The following AGXT2 variants were observed in gnomAD, a reference collection of about 807,000 sequenced individuals.
The protein encoded by AGXT2 is alanine--glyoxylate aminotransferase 2.
A neutral mutation model predicts 62.5 loss-of-function variants in AGXT2; 61 were observed. That is an observed-to-expected ratio of 0.98 (90% CI 0.79 to 1.21). The LOEUF (loss-of-function observed/expected upper bound fraction) is 1.21. AGXT2 is among the 50% of genes most tolerant of loss of function. AGXT2 has a pLI of 0.00. For synonymous variants in AGXT2, 243 were observed against 218.7 expected, an observed-to-expected ratio of 1.11 and a Z score of -0.98; for missense variants, 666 against 641.5, an observed-to-expected ratio of 1.04 and a Z score of -0.41.
chr5:35,005,193 G>A (rs1419197885), intron 12 of AGXT2, among the ~76,000 whole-genome samples: 1 of 152,108 alleles, frequency 6.6e-6, no homozygotes, highest in Non-Finnish European at 1.5e-5. Context: ...CCGGAGGGAA[G>A]GTTGGGTTGG....
At chr5:35,032,206 C>T (rs1307608045) in intron 7 of AGXT2, among the ~76,000 whole-genome samples, 2 of 152,020 alleles carry the variant, frequency 1.3e-5, no homozygotes, top group African/African-American at 4.8e-5. Context: ...CCCGCCTCAA[C>T]CTCCCAAAGT....
chr5:35,001,260 A>C (rs1172841887), intron 13 of AGXT2, among the ~76,000 whole-genome samples: 1 of 152,018 alleles, frequency 6.6e-6, no homozygotes, highest in African/African-American at 2.4e-5. Context: ...ATTCTTGCCC[A>C]CTCCAAACCA....
intron 1 of AGXT2, among the ~76,000 whole-genome samples, chr5:35,044,639 CT>C (rs1276094739): frequency 6.6e-6 from 1 of 152,234 alleles, no homozygotes; most frequent in African/African-American, 2.4e-5. Flanking sequence ...ATTATTTCAG[CT>C]GCCCTCCCTC....
intron 12 of AGXT2, among the ~76,000 whole-genome samples, chr5:35,007,842 T>A (rs543615776): frequency 4.6e-5 from 7 of 152,198 alleles, no homozygotes; most frequent in Non-Finnish European, 1.0e-4. Flanking sequence ...GGCAGATCCC[T>A]CATGAATGTC....
At chr5:35,011,809 G>A (rs1251725074) in intron 11 of AGXT2, among the ~76,000 whole-genome samples, 9 of 151,776 alleles carry the variant, frequency 5.9e-5, no homozygotes, top group Non-Finnish European at 1.0e-4. Context: ...ATATCAAAAA[G>A]ACACCTGCAC....
At chr5:35,019,993 A>C (rs368422260) in intron 9 of AGXT2, among the ~76,000 whole-genome samples, 1 of 152,218 alleles carries the variant, frequency 6.6e-6, no homozygotes, top group Admixed American at 6.5e-5. Context: ...TAAATTCCTC[A>C]ACACATACAC....
Position 35,016,561 on chromosome 5 carries a change from C to T in AGXT2, c.964-2442G>A, listed in dbSNP as rs1275708054. ...TCACCAGTCACCTTTTGACCTCAAC[C>T]CCCTCCCTCTTCCCCTTTCCCTTAA... On this transcript the variant is annotated intron_variant, in intron 9 of 13. Transcript: ENST00000231420. 2.0e-5 allele frequency among the ~76,000 whole-genome samples: 3 copies of T among 152,056 alleles called. No homozygotes were observed. The East Asian group carries it at 5.8e-4, about 29-fold the overall frequency.
chr5:35,012,586 A>T, intron 11 of AGXT2: 1 of 315,684 alleles, frequency 3.2e-6, no homozygotes, highest in Non-Finnish European at 6.1e-6. Context: ...TAATAGTACA[A>T]CAAAAGGAAG....
intron 8 of AGXT2, 149 bp downstream of exon 8, chr5:35,026,261 T>A (rs1314083163): frequency 2.8e-6 from 2 of 725,200 alleles, no homozygotes; most frequent in Non-Finnish European, 4.8e-6. Flanking sequence ...AAAGTCAGCG[T>A]CTTCTTTTTT....
At chr5:35,017,966 G>C (rs1001779053) in intron 9 of AGXT2, among the ~76,000 whole-genome samples, 2 of 152,158 alleles carry the variant, frequency 1.3e-5, no homozygotes, top group African/African-American at 4.8e-5. Context: ...TGGAAGAAAG[G>C]GTATCAGCGA....
At chr5:35,004,446 G>A (rs1264163238) in intron 12 of AGXT2, among the ~76,000 whole-genome samples, 5 of 152,130 alleles carry the variant, frequency 3.3e-5, no homozygotes, top group Non-Finnish European at 4.4e-5. Flanking sequence ...TCCAGGAGCC[G>A]AGAGCCTGTG....
chr5:35,025,260 C>T (rs1767287170), intron 9 of AGXT2, among the ~76,000 whole-genome samples: 3 of 152,236 alleles, frequency 2.0e-5, no homozygotes, highest in Admixed American at 2.0e-4. Context: ...CCTGTGGTCC[C>T]AGCTACTCGG....
chr5:35,002,221 CA>C (rs5867262), intron 13 of AGXT2, among the ~76,000 whole-genome samples: 93,952 of 151,368 alleles, frequency 0.62, 30,777 homozygotes, highest in Non-Finnish European at 0.74. Flanking sequence ...AAAAAAATCA[CA>C]GAGCACATCC....
intron 9 of AGXT2, among the ~76,000 whole-genome samples, chr5:35,022,010 A>G (rs1767116675): frequency 6.6e-6 from 1 of 152,194 alleles, no homozygotes; most frequent in Non-Finnish European, 1.5e-5. Flanking sequence ...AATGCAAATC[A>G]AAACCACAAT....
rs779521134 is a variant in AGXT2, at chr5:35,035,246, T to C, written c.557A>G (p.Asn186Ser). 1 of 1,614,132 alleles carries C rather than the reference T, an allele frequency of 6.2e-7. No individual in the cohort carries two copies. The highest frequency in any genetic ancestry group is 1.1e-5 in the South Asian group (1 of 91,078). ...CCTGAAAGAAATGATGTCTATGTTGTTTGAGTGCGCCCTGGCCATCAGCAT... is the reference window on the plus strand; with the variant it reads ...CCTGAAAGAAATGATGTCTATGTTGCTTGAGTGCGCCCTGGCCATCAGCAT... ...LAMLMARAHSNNIDIISFRGA... is the reference protein window; with the variant it reads ...LAMLMARAHSSNIDIISFRGA... Residue 186 changes from asparagine (N) to serine (S), a missense_variant, in exon 5 of 14, where the codon AAC (asparagine) becomes AGC (serine). By Grantham distance (46) the Asn-to-Ser change is conservative (BLOSUM62 1). Transcript: ENST00000231420.
chr5:35,005,633 CTGCTA>C (rs774375343), intron 12 of AGXT2, among the ~76,000 whole-genome samples: 3 of 150,554 alleles, frequency 2.0e-5, no homozygotes, highest in Non-Finnish European at 2.9e-5. Context: ...CTGACCTCAA[CTGCTA>C]TGGCTAATTG....
chr5:35,003,265 C>T (rs1766299138), intron 13 of AGXT2, among the ~76,000 whole-genome samples: 1 of 152,162 alleles, frequency 6.6e-6, no homozygotes, highest in African/African-American at 2.4e-5. Context: ...TCCATCTCTC[C>T]GACAGGCGTC....
In AGXT2 at chr5:34,998,819, C is replaced by T. The variant is rs746146731; in HGVS notation, c.1445G>A (p.Arg482His). The change falls in exon 14 of 14, where the codon CGC becomes CAC. Residue 482 changes from arginine to histidine, a missense_variant. Transcript: ENST00000231420. ...AGTGATGCACATTGAGGGCGCAATG[C>T]GAAATGTCTGAGGAGACACCAAAAA... ...GRGSIFSQTFRIAPSMCITKP... is the reference protein window; with the variant it reads ...GRGSIFSQTFHIAPSMCITKP... 2.0e-5 allele frequency: 32 copies of T among 1,612,086 alleles called. No homozygotes were observed. Among genetic ancestry groups the T allele is most frequent in the South Asian group, 5.5e-5 (5 of 91,034 alleles).
At chr5:35,045,704 G>A (rs1768161193) in intron 1 of AGXT2, among the ~76,000 whole-genome samples, 1 of 151,898 alleles carries the variant, frequency 6.6e-6, no homozygotes, top group East Asian at 1.9e-4. Flanking sequence ...GTTTTTGCAA[G>A]GCCAGGTGAT....
Sources: gnomAD v4.1 joint callset for allele counts (sites outside exome capture counted in the v4.1 genomes callset) on GRCh38, gnomAD v4.1.1 for gene constraint, MANE v1.5 for transcripts, NCBI Gene and HGNC (gene_info 2026-07-23, HGNC 2026-07-21) for gene names.